Variants in GAL observed in about 807,000 individuals in gnomAD.
GAL encodes galanin peptides.
In GAL, 14 loss-of-function variants were observed where a neutral mutation model predicts 15.8. The ratio of observed to expected loss-of-function variants is 0.89; its 90% CI spans 0.59 to 1.39. The LOEUF is 1.39. Ranked by LOEUF, GAL falls within the 40% of genes most tolerant of loss-of-function variation. The probability of loss-of-function intolerance (pLI) is 0.00; values close to 1 mark genes in which losing one functional copy is unlikely to be tolerated. For synonymous variants in GAL, 79 were observed against 73.8 expected (o/e 1.07, Z -0.36); for missense variants, 176 against 170.4 (o/e 1.03, Z -0.18).
chr11:68,687,729 G>A (rs1024631386), intron 3 of GAL, among the ~76,000 whole-genome samples: 3 of 152,154 alleles, frequency 2.0e-5, no homozygotes, highest in African/African-American at 7.2e-5. Context: ...CTGCAACAGG[G>A]CAGGTTCTGG....
In GAL at chr11:68,688,054, C is replaced by T. The variant is rs533111349; in HGVS notation, c.177C>T (p.Gly59=). ...GNHRSFSDKN[G]LTSKRELRPE... The stretch of plus-strand genomic sequence containing the variant: ...ACAGGTCATTCAGCGACAAGAATGG[C>T]CTCACCAGCAAGCGGGAGCTGCGGC... The change falls in exon 4 of 6, where the codon GGC becomes GGT. Residue 59 remains glycine (G), a synonymous_variant. Transcript: ENST00000265643. 6.2e-7 allele frequency: 1 copy of T among 1,612,926 alleles called. No individual in the cohort carries two copies. The highest frequency in any genetic ancestry group is 8.5e-7 in the Non-Finnish European group (1 of 1,179,188).
In GAL at chr11:68,688,072, G is replaced by C; in HGVS notation, c.195G>C (p.Glu65Asp). Residue 65 changes from glutamate (E) to aspartate (D), a missense_variant, in exon 4 of 6, where the codon GAG becomes GAC. By Grantham distance (45) the Glu-to-Asp change is conservative. Coordinates refer to ENST00000265643, the MANE Select transcript of GAL (RefSeq NM_015973.5). Reference sequence around the variant, plus strand: ...AGAATGGCCTCACCAGCAAGCGGGAGCTGCGGCCCGAAGATGACATGAAAC... The same window carrying C: ...AGAATGGCCTCACCAGCAAGCGGGACCTGCGGCCCGAAGATGACATGAAAC... ...SDKNGLTSKR[E>D]LRPEDDMKPG... 1 of 1,612,382 alleles carries C rather than the reference G, an allele frequency of 6.2e-7. No individual in the cohort carries two copies. The highest frequency in any genetic ancestry group is 2.2e-5 in the East Asian group (1 of 44,860).
intron 4 of GAL, 55 bp downstream of exon 4, chr11:68,688,155 G>T: frequency 9.5e-7 from 1 of 1,057,160 alleles, no homozygotes; most frequent in Non-Finnish European, 1.5e-6. Context: ...CAGCTCCCAG[G>T]TGCATGCAGG....
rs1053227805 is a variant in GAL, at chr11:68,690,988, G to A, written c.*1G>A. 6.2e-7 allele frequency: 1 copy of A among 1,602,762 alleles called. No homozygotes were observed. Among genetic ancestry groups the A allele is most frequent in the Non-Finnish European group, 8.5e-7 (1 of 1,169,836 alleles). On this transcript the variant is annotated 3_prime_UTR_variant, in exon 6 of 6. Coordinates refer to ENST00000265643, the MANE Select transcript of GAL (RefSeq NM_015973.5). ...CTCAGAAGACATCGAGCGGTCCTGA[G>A]AGCCTCCTGGGCATGTTTGTCTGTG...
At chr11:68,690,853 G>T (rs1945898005) in intron 5 of GAL, 64 bp from the exon 6 acceptor site, 3 of 1,020,014 alleles carry the variant, frequency 2.9e-6, no homozygotes, top group Admixed American at 3.4e-5. Context: ...CATGTGTCGT[G>T]GTTGTAATTC....
In GAL at chr11:68,690,900, G is replaced by C; in HGVS notation, c.302-17G>C. On this transcript the variant is annotated splice_polypyrimidine_tract_variant and intron_variant, in intron 5 of 5. Transcript: ENST00000265643. ...TATTAAGAAGTTGCTGCTCAGATGT[G>C]GCTCTTCCCTTTGCAGAGGCCGGTG... 1 of 1,578,154 alleles carries C rather than the reference G, an allele frequency of 6.3e-7. No homozygotes were observed. Among genetic ancestry groups the C allele is most frequent in the South Asian group, 1.1e-5 (1 of 90,418 alleles).
chr11:68,689,227 C>T (rs1464550982), intron 5 of GAL, among the ~76,000 whole-genome samples: 5 of 152,208 alleles, frequency 3.3e-5, no homozygotes, highest in East Asian at 3.8e-4. Flanking sequence ...TCTATTCACA[C>T]GGTGACAACT....
rs747050822 is a variant in GAL, at chr11:68,684,900, G to A, written c.1-24G>A. ...CGCAGCCCACTCCGGGTTCCGACCCGCCCGCCCTGTCCTTCCCTTCCAGAT... is the reference window on the plus strand; with the variant it reads ...CGCAGCCCACTCCGGGTTCCGACCCACCCGCCCTGTCCTTCCCTTCCAGAT... On this transcript the variant is annotated intron_variant, in intron 1 of 5. Transcript: ENST00000265643. The A allele has an allele frequency of 4.0e-6, 6 of 1,508,852 alleles. No homozygotes were observed. The African/African-American group carries it at 4.1e-5, about 10-fold the overall frequency. The allele number at this position is 1,508,852 out of a possible 1,614,324, so 93.5% of individuals were successfully genotyped here. A position where few individuals can be genotyped will look rare whatever the true frequency, so the allele number is the denominator to read the frequency against.
chr11:68,684,974 C>T lies in GAL; in HGVS notation c.51C>T (p.Ala17=). 2 of 1,608,046 alleles carry T rather than the reference C, an allele frequency of 1.2e-6. No individual in the cohort carries two copies. Among genetic ancestry groups the T allele is most frequent in the South Asian group, 1.1e-5 (1 of 90,078 alleles). Residue 17 remains alanine (A), a synonymous_variant, in exon 2 of 6, where the codon GCC becomes GCT. Coordinates refer to ENST00000265643, the MANE Select transcript of GAL (RefSeq NM_015973.5). ...LLLASLLLAA[A]LSASAGLWSP... ...TCGCCTCCCTCCTCCTCGCCGCGGC[C>T]CTTTCTGCCTCTGCGGGGCTCTGGT... is the stretch of plus-strand genomic sequence containing the variant.
At chr11:68,685,033 G>T in intron 2 of GAL, 29 bp downstream of exon 2, 3 of 1,478,804 alleles carry the variant, frequency 2.0e-6, no homozygotes, top group Non-Finnish European at 2.8e-6. Context: ...TCCTCCGAGC[G>T]AAGGGGACAT....
In GAL at chr11:68,684,904, G is replaced by C. The variant is rs746262791; in HGVS notation, c.1-20G>C. 6.5e-7 allele frequency: 1 copy of C among 1,535,052 alleles called. No homozygotes were observed. Among genetic ancestry groups the C allele is most frequent in the South Asian group, 1.1e-5 (1 of 88,062 alleles). ...GCCCACTCCGGGTTCCGACCCGCCC[G>C]CCCTGTCCTTCCCTTCCAGATGGCC... On this transcript the variant is annotated intron_variant, in intron 1 of 5. Transcript: ENST00000265643.
intron 2 of GAL, 141 bp from the exon 3 acceptor site, chr11:68,685,453 G>A (rs1945842633): frequency 3.0e-6 from 2 of 673,708 alleles, no homozygotes; most frequent in Non-Finnish European, 5.5e-6. Context: ...CGACTTAGGG[G>A]TAAACCTGGA....
At chr11:68,690,181 CA>C (rs1453125928) in intron 5 of GAL, among the ~76,000 whole-genome samples, 1 of 151,314 alleles carries the variant, frequency 6.6e-6, no homozygotes, top group South Asian at 2.1e-4. Context: ...AGGGATGGAC[CA>C]CTTAGCCTCT....
chr11:68,686,431 A>T (rs1204291111), intron 3 of GAL, among the ~76,000 whole-genome samples: 1 of 152,184 alleles, frequency 6.6e-6, no homozygotes, highest in Non-Finnish European at 1.5e-5. Flanking sequence ...CAGAGGAAGG[A>T]TGTGAACAGC....
chr11:68,685,485 C>T (rs1217956214), intron 2 of GAL, 109 bp from the exon 3 acceptor site: 14 of 765,956 alleles, frequency 1.8e-5, no homozygotes, highest in Non-Finnish European at 2.3e-5. Context: ...TATCCAAAAG[C>T]ACATGCATTG....
chr11:68,684,687 C>T lies in GAL; in HGVS notation c.-46C>T, dbSNP rs1430616099. 7.5e-6 allele frequency: 3 copies of T among 398,754 alleles called. No homozygotes were observed. The highest frequency in any genetic ancestry group is 9.1e-5 in the Admixed American group (2 of 22,094). 24.7% of individuals were successfully genotyped at this position (398,754 alleles called of 1,614,324 possible). ...GACCTGCCGCCCAGACCCGCCACCG[C>T]ACCCGGACCCCGACGCTCCGAACCC... On this transcript the variant is annotated 5_prime_UTR_variant, in exon 1 of 6. Transcript: ENST00000265643.
intron 4 of GAL, among the ~76,000 whole-genome samples, chr11:68,688,361 G>A (rs1945874232): frequency 6.6e-6 from 1 of 152,222 alleles, no homozygotes. Flanking sequence ...GGGCACGATG[G>A]CTCCTGCCTG....
chr11:68,690,933 C>A lies in GAL; in HGVS notation c.318C>A (p.Asp106Glu). The A allele has an allele frequency of 1.2e-6, 2 of 1,612,836 alleles. No individual in the cohort carries two copies. The highest frequency in any genetic ancestry group is 1.7e-6 in the Non-Finnish European group (2 of 1,179,214). The change falls in exon 6 of 6, where the codon GAC (aspartate) becomes GAA (glutamate). Residue 106 changes from aspartate to glutamate, a missense_variant. By Grantham distance (45) the Asp-to-Glu change is conservative. Coordinates refer to ENST00000265643, the MANE Select transcript of GAL (RefSeq NM_015973.5). The part of the protein sequence containing the change: ...FLHLKEAGAL[D>E]RLLDLPAAAS... ...CCTTTGCAGAGGCCGGTGCCCTCGA[C>A]CGCCTCCTGGATCTCCCCGCCGCAG...
chr11:68,685,623 C>T lies in GAL; in HGVS notation c.111C>T (p.Asn37=). ...PAKEKRGWTL[N]SAGYLLGPHA... ...AGGAAAAACGAGGCTGGACCCTGAA[C>T]AGCGCGGGCTACCTGCTGGGCCCAC... The change falls in exon 3 of 6, where the codon AAC becomes AAT. Residue 37 remains asparagine (N), a synonymous_variant. Transcript: ENST00000265643. 4 of 1,613,540 alleles carry T rather than the reference C, an allele frequency of 2.5e-6. No individual in the cohort carries two copies. Among genetic ancestry groups the T allele is most frequent in the Non-Finnish European group, 2.5e-6 (3 of 1,179,452 alleles).
Sources: allele counts gnomAD v4.1 joint callset (sites outside exome capture counted in the v4.1 genomes callset), GRCh38; gene constraint gnomAD v4.1.1; transcripts MANE v1.5; gene names NCBI Gene and HGNC (gene_info 2026-07-23, HGNC 2026-07-21).